LRP5: variants seen among roughly 807,000 people sequenced by gnomAD.
LRP5 encodes the protein low-density lipoprotein receptor-related protein 5.
A neutral mutation model predicts 154.1 loss-of-function variants in LRP5; 62 were observed. The ratio of observed to expected loss-of-function variants is 0.40; its 90% confidence interval spans 0.33 to 0.50. The LOEUF (loss-of-function observed/expected upper bound fraction) is 0.50. Ranked by LOEUF, LRP5 falls within the 20% of genes least tolerant of loss-of-function variation. The pLI, the probability that LRP5 is intolerant of heterozygous loss-of-function variation, is 0.55. For synonymous variants in LRP5, 966 were observed against 1,011.5 expected, an observed-to-expected ratio of 0.96 and a Z score of 0.85; for missense variants, 1,915 against 2,336.7, an observed-to-expected ratio of 0.82 and a Z score of 3.72.
intron 22 of LRP5, 25 bp downstream of exon 22, chr11:68,446,558 A>G (rs998862739): frequency 9.5e-6 from 15 of 1,584,658 alleles, no homozygotes; most frequent in African/African-American, 5.4e-5. Context: ...GCAGCCCTCC[A>G]TGGCCATTGG....
chr11:68,315,961 T>C lies in LRP5; in HGVS notation c.91+3156T>C, dbSNP rs1383013340. 4.6e-5 allele frequency among the ~76,000 whole-genome samples: 7 copies of C among 152,142 alleles called. No homozygotes were observed. In the East Asian group the frequency reaches 9.6e-4, roughly 21 times the overall value. ...TTTTTTTAAATTGAGGTGAAACTTA[T>C]ATAATATAAAATATTAAAGTATAGA... On this transcript the variant is annotated intron_variant, in intron 1 of 22. Coordinates refer to ENST00000294304, the MANE Select transcript of LRP5 (RefSeq NM_002335.4).
intron 5 of LRP5, among the ~76,000 whole-genome samples, chr11:68,379,365 G>A (rs1462759948): frequency 2.0e-5 from 3 of 152,188 alleles, no homozygotes; most frequent in Non-Finnish European, 2.9e-5. Context: ...ACCTCCATGC[G>A]TTCCAGCTGC....
chr11:68,369,641 G>A (rs1338427669), intron 5 of LRP5, among the ~76,000 whole-genome samples: 4 of 152,090 alleles, frequency 2.6e-5, no homozygotes, highest in African/African-American at 7.2e-5. Flanking sequence ...GGCGGTAGTC[G>A]TGCGCCTGTA....
At position 68,406,697 on chromosome 11, in the gene LRP5, T is replaced by G; in HGVS notation, c.1975T>G (p.Ser659Ala). ...FTSRAAIHRI[S>A]LETNNNDVAI... ...CAGCAGAGCCGCCATCCACAGGATCTCCCTCGAGACCAATAACAACGACGT... is the reference window on the plus strand; with the variant it reads ...CAGCAGAGCCGCCATCCACAGGATCGCCCTCGAGACCAATAACAACGACGT... The change falls in exon 9 of 23, where the codon TCC becomes GCC. Residue 659 changes from serine (S) to alanine (A), a missense_variant. By Grantham distance (99) the Ser-to-Ala change is moderately conservative. Transcript: ENST00000294304. 1 of 1,614,158 alleles carries G rather than the reference T, an allele frequency of 6.2e-7. No individual in the cohort carries two copies. Among genetic ancestry groups the G allele is most frequent in the Non-Finnish European group, 8.5e-7 (1 of 1,180,040 alleles).
At chr11:68,428,550 A>G (rs1248010655) in intron 16 of LRP5, among the ~76,000 whole-genome samples, 8 of 151,756 alleles carry the variant, frequency 5.3e-5, no homozygotes, top group African/African-American at 1.9e-4. Flanking sequence ...GCCCATCTTC[A>G]TGTGTCCATC....
chr11:68,382,659 G>C (rs1274982409), intron 5 of LRP5, among the ~76,000 whole-genome samples: 1 of 152,172 alleles, frequency 6.6e-6, no homozygotes, highest in Non-Finnish European at 1.5e-5. Context: ...GGATGATGAA[G>C]GCAGCCAGGC....
At chr11:68,389,353 T>C (rs679051) in intron 6 of LRP5, among the ~76,000 whole-genome samples, 147,986 of 152,000 alleles carry the variant, frequency 0.97, 72,088 homozygotes, top group East Asian at 1. Context: ...CTGACACTGA[T>C]GTTTACCGAC....
chr11:68,404,113 G>C (rs1467717383), intron 8 of LRP5: 10 of 426,560 alleles, frequency 2.3e-5, no homozygotes. Flanking sequence ...GGCTGTGCTT[G>C]TTGCCCCTGT....
intron 2 of LRP5, 95 bp from the exon 3 acceptor site, chr11:68,357,555 A>G (rs2098624117): frequency 1.5e-5 from 18 of 1,177,474 alleles, no homozygotes; most frequent in Non-Finnish European, 2.1e-5. Context: ...TTTTAGGGCA[A>G]GTTCACTGTC....
At chr11:68,358,634 C>A (rs1032056636) in intron 3 of LRP5, among the ~76,000 whole-genome samples, 3 of 152,198 alleles carry the variant, frequency 2.0e-5, no homozygotes, top group African/African-American at 7.2e-5. Flanking sequence ...CCCAGTCTCA[C>A]CAGGGGGCCT....
intron 16 of LRP5, among the ~76,000 whole-genome samples, chr11:68,427,916 C>T (rs2098669662): frequency 6.6e-6 from 1 of 151,914 alleles, no homozygotes; most frequent in Non-Finnish European, 1.5e-5. Flanking sequence ...TAGAATAACG[C>T]GAGTTCCCAG....
chr11:68,435,189 C>T (rs966429129), intron 18 of LRP5, among the ~76,000 whole-genome samples: 5 of 152,208 alleles, frequency 3.3e-5, no homozygotes, highest in African/African-American at 9.7e-5. Flanking sequence ...ACAGACAGAG[C>T]TTCCCCAGCC....
rs1301133599 is a variant in LRP5, at chr11:68,447,027, T to C, written c.4586+494T>C. On this transcript the variant is annotated intron_variant, in intron 22 of 22. Coordinates refer to ENST00000294304, the MANE Select transcript of LRP5 (RefSeq NM_002335.4). The surrounding 1 kb of genome is among the most constrained non-coding windows in gnomAD (Gnocchi z 4.3). ...GGGCTGCTCACTTGCCACAGTGGCC[T>C]GTTTGAGCCCGGGAAGCCAACGGGG... is the stretch of plus-strand genomic sequence containing the variant. 1 of 183,788 alleles carries C rather than the reference T, an allele frequency of 5.4e-6. No individual in the cohort carries two copies. Among genetic ancestry groups the C allele is most frequent in the African/African-American group, 2.3e-5 (1 of 42,570 alleles). 11.4% of individuals were successfully genotyped at this position (183,788 alleles called of 1,614,324 possible). A position where few individuals can be genotyped will look rare whatever the true frequency, so the allele number is the denominator to read the frequency against.
chr11:68,308,923 ATTTTT>A (rs34529621), upstream of LRP5, among the ~76,000 whole-genome samples: 2 of 74,480 alleles, frequency 2.7e-5, no homozygotes, highest in African/African-American at 6.0e-5. Flanking sequence ...TAATCAGCTA[ATTTTT>A]TTTTTTTTTT....
chr11:68,416,322 C>T lies in LRP5; in HGVS notation c.2828-6C>T. 1.2e-6 allele frequency: 2 copies of T among 1,613,870 alleles called. No individual in the cohort carries two copies. Among genetic ancestry groups the T allele is most frequent in the Non-Finnish European group, 1.7e-6 (2 of 1,179,942 alleles). Reference sequence around the variant, plus strand: ...CCACCTGCAGCCCTGTCTTTGCCTCCTCTAGCGCCCACCACCTTCTTGCTG... The same window carrying T: ...CCACCTGCAGCCCTGTCTTTGCCTCTTCTAGCGCCCACCACCTTCTTGCTG... On this transcript the variant is annotated splice_polypyrimidine_tract_variant and splice_region_variant and intron_variant, in intron 12 of 22. Coordinates refer to ENST00000294304, the MANE Select transcript of LRP5 (RefSeq NM_002335.4).
In LRP5 at chr11:68,425,133, G is replaced by A; in HGVS notation, c.3268G>A (p.Ala1090Thr). Residue 1090 changes from alanine (A) to threonine (T), a missense_variant, in exon 15 of 23, where the codon GCA becomes ACA. This residue lies in a region of LRP5 where 1,094 missense variants were observed against 1,210.1 expected (regional missense o/e 0.90). Coordinates refer to ENST00000294304, the MANE Select transcript of LRP5 (RefSeq NM_002335.4). Reference sequence around the variant, plus strand: ...GTACTTCACCAACATGCAGGACCGGGCAGCCAAGATCGAACGCGCAGCCCT... The same window carrying A: ...GTACTTCACCAACATGCAGGACCGGACAGCCAAGATCGAACGCGCAGCCCT... The part of the protein sequence containing the change: ...YLYFTNMQDR[A>T]AKIERAALDG... 6.2e-7 allele frequency: 1 copy of A among 1,613,724 alleles called. No individual in the cohort carries two copies. The highest frequency in any genetic ancestry group is 1.7e-5 in the Admixed American group (1 of 60,020).
At chr11:68,320,377 A>G (rs1291596768) in intron 1 of LRP5, among the ~76,000 whole-genome samples, 2 of 149,570 alleles carry the variant, frequency 1.3e-5, no homozygotes, top group Non-Finnish European at 3.0e-5. Context: ...GTTTATTGGT[A>G]TTTACTTTTC....
intron 5 of LRP5, among the ~76,000 whole-genome samples, chr11:68,378,672 C>T (rs1433434582): frequency 4.6e-5 from 7 of 152,224 alleles, no homozygotes; most frequent in East Asian, 3.9e-4. Flanking sequence ...ATAGAAATTA[C>T]CCATAATTTT....
chr11:68,299,692 C>A, the LRP5 span, among the ~76,000 whole-genome samples: 1 of 150,548 alleles, frequency 6.6e-6, no homozygotes, highest in Non-Finnish European at 1.5e-5. Context: ...AAGCGATTCT[C>A]CTGCCTCAGC....
Sources: allele counts gnomAD v4.1 joint callset (sites outside exome capture counted in the v4.1 genomes callset), GRCh38; gene constraint gnomAD v4.1.1; regional missense constraint gnomAD v4.1.1; non-coding constraint Gnocchi (gnomAD v3.1); transcripts MANE v1.5; gene names NCBI Gene and HGNC (gene_info 2026-07-23, HGNC 2026-07-21).